The following STPG2 variants were observed in gnomAD, a reference collection of about 807,000 sequenced individuals.
The protein encoded by STPG2 is sperm-tail PG-rich repeat-containing protein 2.
Under a neutral mutation model 54.2 loss-of-function variants are expected in STPG2, and 56 were observed. That is an observed-to-expected ratio of 1.03 (90% CI 0.83 to 1.29). STPG2 has a LOEUF of 1.29. Ranked by LOEUF, STPG2 falls within the 50% of genes most tolerant of loss-of-function variation. The probability of loss-of-function intolerance (pLI) is 0.00; values close to 1 mark genes in which losing one functional copy is unlikely to be tolerated. For missense variants in STPG2, 596 were observed against 544.9 expected (o/e 1.09, Z -0.93); for synonymous variants, 200 against 181.8 (o/e 1.10, Z -0.81).
Position 98,039,414 on chromosome 4 carries a change from C to T in STPG2, c.613-58096G>A, listed in dbSNP as rs1434848797. 3.5e-5 allele frequency among the ~76,000 whole-genome samples: 2 copies of T among 57,006 alleles called. 1 individual carries two copies. The highest frequency in any genetic ancestry group is 1.6e-4 in the African/African-American group (2 of 12,836). The allele number at this position is 57,006 out of a possible 152,430, so 37.4% of individuals were successfully genotyped here. A position where few individuals can be genotyped will look rare whatever the true frequency, so the allele number is the denominator to read the frequency against. ...CATTTGTGAATAAATATCTATCCCA[C>T]CCTCCCACTTTTGGGAGTGTCCAAT... On this transcript the variant is annotated intron_variant, in intron 5 of 10. Coordinates refer to ENST00000295268, the MANE Select transcript of STPG2 (RefSeq NM_174952.3).
At chr4:97,904,298 C>T (rs1240355162) in intron 8 of STPG2, among the ~76,000 whole-genome samples, 2 of 152,176 alleles carry the variant, frequency 1.3e-5, no homozygotes, top group African/African-American at 4.8e-5. Context: ...GACCCCTGAC[C>T]CCCGAGCAGC....
intron 3 of STPG2, among the ~76,000 whole-genome samples, chr4:98,122,018 C>T (rs920697037): frequency 3.9e-5 from 6 of 151,992 alleles, no homozygotes; most frequent in African/African-American, 1.5e-4. Flanking sequence ...CCACACTCGA[C>T]CAAATGCCTG....
intron 8 of STPG2, among the ~76,000 whole-genome samples, chr4:97,940,401 T>C (rs1732932214): frequency 6.6e-6 from 1 of 152,208 alleles, no homozygotes; most frequent in Admixed American, 6.5e-5. Flanking sequence ...TTTTCCAAGT[T>C]GTTTGCTTTT....
intron 8 of STPG2, among the ~76,000 whole-genome samples, chr4:97,866,299 C>CCTCACTTA (rs1729776309): frequency 6.6e-6 from 1 of 151,802 alleles, no homozygotes; most frequent in African/African-American, 2.4e-5. Flanking sequence ...GTGATAAATA[C>CCTCACTTA]CTCACTTACT....
intron 4 of STPG2, among the ~76,000 whole-genome samples, chr4:97,448,535 G>T (rs991937925): frequency 1.3e-5 from 2 of 152,080 alleles, no homozygotes; most frequent in Non-Finnish European, 1.5e-5. Context: ...GATTTTATAA[G>T]TGTTTGGCAG....
chr4:97,659,494 A>G (rs1269477045), intron 10 of STPG2, among the ~76,000 whole-genome samples: 2 of 152,196 alleles, frequency 1.3e-5, no homozygotes, highest in Admixed American at 1.3e-4. Context: ...TGACTCTCAG[A>G]TGGTAGTGTG....
intron 9 of STPG2, among the ~76,000 whole-genome samples, chr4:97,787,740 C>G (rs1002931434): frequency 1.3e-5 from 2 of 151,406 alleles, no homozygotes; most frequent in Non-Finnish European, 2.9e-5. Flanking sequence ...TATCAGATAA[C>G]TTTTAATGAA....
In STPG2 at chr4:97,636,876, G is replaced by A. The variant is rs1219375140; in HGVS notation, c.1320+75823C>T. Among the ~76,000 whole-genome samples the A allele has an allele frequency of 4.0e-5, 6 of 150,184 alleles. No individual in the cohort carries two copies. The Admixed American group carries it at 4.0e-4, about 10-fold the overall frequency. On this transcript the variant is annotated intron_variant, in intron 10 of 10. Transcript: ENST00000295268. The stretch of plus-strand genomic sequence containing the variant: ...TAGCTTACCAACCAAAAAGAGTCCA[G>A]GACCAGATGGATTCACAGCCGAATT...
chr4:97,776,527 T>A (rs1396384175), intron 9 of STPG2, among the ~76,000 whole-genome samples: 1 of 152,186 alleles, frequency 6.6e-6, no homozygotes, highest in Non-Finnish European at 1.5e-5. Context: ...AAAGAGGCTA[T>A]TCTCTAAACA....
chr4:97,682,651 C>A (rs1723069752), intron 10 of STPG2, among the ~76,000 whole-genome samples: 1 of 151,652 alleles, frequency 6.6e-6, no homozygotes, highest in Admixed American at 6.6e-5. Context: ...TGTATATTGA[C>A]TTGGTAAATT....
At chr4:97,978,522 G>A (rs1734568564) in intron 6 of STPG2, among the ~76,000 whole-genome samples, 2 of 152,140 alleles carry the variant, frequency 1.3e-5, no homozygotes, top group African/African-American at 2.4e-5. Context: ...GTGGAGGGTG[G>A]GAGGAGGGAG....
chr4:98,096,013 T>G lies in STPG2; in HGVS notation c.612+9940A>C, dbSNP rs551438112. Among the ~76,000 whole-genome samples the G allele has an allele frequency of 9.7e-4, 148 of 152,310 alleles. 1 individual carries two copies. The highest frequency in any genetic ancestry group is 1.7e-3 in the Non-Finnish European group (116 of 68,022). ...TGGAAATAAATAACAAGAGAAATTT[T>G]GGAAACTATACAAACACATGGAAAT... is the stretch of plus-strand genomic sequence containing the variant. On this transcript the variant is annotated intron_variant, in intron 5 of 10. Transcript: ENST00000295268.
At chr4:97,936,888 G>T (rs973273232) in intron 8 of STPG2, among the ~76,000 whole-genome samples, 4 of 152,080 alleles carry the variant, frequency 2.6e-5, no homozygotes, top group African/African-American at 9.7e-5. Flanking sequence ...GTATGTTATT[G>T]GGGTTCTCTG....
chr4:97,974,587 G>T (rs1466899111), intron 6 of STPG2, among the ~76,000 whole-genome samples: 1 of 152,230 alleles, frequency 6.6e-6, no homozygotes, highest in Non-Finnish European at 1.5e-5. Flanking sequence ...TGAATCACGG[G>T]GGTGGGTCTT....
chr4:97,527,063 A>G (rs369693762), intron 4 of STPG2, among the ~76,000 whole-genome samples: 6 of 151,322 alleles, frequency 4.0e-5, no homozygotes, highest in African/African-American at 1.2e-4. Flanking sequence ...GCTTTGTTAT[A>G]TAGGTATACA....
intron 10 of STPG2, among the ~76,000 whole-genome samples, chr4:97,639,185 G>A (rs1157800315): frequency 4.6e-5 from 7 of 152,032 alleles, no homozygotes; most frequent in African/African-American, 1.5e-4. Flanking sequence ...ATGAGTTCAT[G>A]TCCTTTGTAG....
rs1202036539 is a variant in STPG2 at position 98,022,921 on chromosome 4, A to G, written c.613-41603T>C. 2.6e-5 allele frequency among the ~76,000 whole-genome samples: 4 copies of G among 152,090 alleles called. No homozygotes were observed. In the East Asian group the frequency reaches 7.8e-4, roughly 29 times the overall value. ...GGGTATTCTAGTTATACATTCATCT[A>G]ATTTTTTTCCAAGTTTTTAACTTCT... On this transcript the variant is annotated intron_variant, in intron 5 of 10. Transcript: ENST00000295268.
chr4:98,000,287 A>T (rs1368090175), intron 5 of STPG2, among the ~76,000 whole-genome samples: 1 of 152,164 alleles, frequency 6.6e-6, no homozygotes, highest in African/African-American at 2.4e-5. Flanking sequence ...AAACAAACTT[A>T]TAAGCAACTT....
chr4:97,502,743 AT>A (rs1479591055), intron 4 of STPG2, among the ~76,000 whole-genome samples: 1 of 152,078 alleles, frequency 6.6e-6, no homozygotes, highest in Non-Finnish European at 1.5e-5. Context: ...GACAAAAAAA[AT>A]AATAGGAACA....
Sources: allele counts gnomAD v4.1 joint callset (sites outside exome capture counted in the v4.1 genomes callset), GRCh38; gene constraint gnomAD v4.1.1; transcripts MANE v1.5; gene names NCBI Gene and HGNC (gene_info 2026-07-23, HGNC 2026-07-21).